The following DYNC2H1 variants were observed in gnomAD, a reference collection of about 807,000 sequenced individuals.
The protein encoded by DYNC2H1 is cytoplasmic dynein 2 heavy chain 1.
In DYNC2H1, 410 loss-of-function variants were observed where a neutral mutation model predicts 570.0. That is an observed-to-expected ratio of 0.72 (90% CI 0.66 to 0.78). DYNC2H1 has a LOEUF of 0.78. DYNC2H1 is among the 30% of genes least tolerant of loss of function. The pLI is 0.00. For synonymous variants in DYNC2H1, 1,688 were observed against 1,677.6 expected (o/e 1.01, Z -0.15); for missense variants, 4,865 against 5,046.4 (o/e 0.96, Z 1.09).
intron 63 of DYNC2H1, among the ~76,000 whole-genome samples, chr11:103,242,183 A>G (rs1423054954): frequency 6.6e-6 from 1 of 152,122 alleles, no homozygotes; most frequent in Non-Finnish European, 1.5e-5. Flanking sequence ...ATATACACAT[A>G]CATACTATGA....
intron 47 of DYNC2H1, 28 bp downstream of exon 47, chr11:103,192,292 A>G (rs538679836): frequency 2.8e-6 from 4 of 1,426,602 alleles, no homozygotes; most frequent in East Asian, 4.8e-5. Flanking sequence ...ATGCAAATAC[A>G]TAACTATTAC....
chr11:103,203,557 T>C lies in DYNC2H1; in HGVS notation c.8198-106T>C. The C allele has an allele frequency of 1.5e-6, 1 of 676,258 alleles. No homozygotes were observed. 41.9% of individuals were successfully genotyped at this position (676,258 alleles called of 1,614,324 possible). A position where few individuals can be genotyped will look rare whatever the true frequency, so the allele number is the denominator to read the frequency against. On this transcript the variant is annotated intron_variant, in intron 50 of 88. Coordinates refer to ENST00000375735, the MANE Select transcript of DYNC2H1 (RefSeq NM_001377.3). This position sits in a 1 kb window ranked among gnomAD's most constrained non-coding sequence, Gnocchi z 4.7. ...AGTCAAGTAGAGGTAATAAAGTTTGTATATTTTTGGAAATAAAGATTGAAT... is the reference window on the plus strand; with the variant it reads ...AGTCAAGTAGAGGTAATAAAGTTTGCATATTTTTGGAAATAAAGATTGAAT...
chr11:103,110,987 C>T (rs1858086437), intron 1 of DYNC2H1, among the ~76,000 whole-genome samples: 1 of 152,146 alleles, frequency 6.6e-6, no homozygotes, highest in African/African-American at 2.4e-5. Flanking sequence ...CCACCACACC[C>T]AGCTAATTTT....
chr11:103,135,770 A>G lies in DYNC2H1; in HGVS notation c.2396A>G (p.Tyr799Cys), dbSNP rs368233476. Residue 799 changes from tyrosine (Y) to cysteine (C), a missense_variant, in exon 17 of 89, where the codon TAT becomes TGT. Physicochemically the swap from Tyr to Cys is radical, Grantham distance 194. This residue lies in a region of DYNC2H1 where 1,936 missense variants were observed against 1,962.1 expected (regional missense o/e 0.99). Coordinates refer to ENST00000375735, the MANE Select transcript of DYNC2H1 (RefSeq NM_001377.3). ...CCTTTTGAAGAAATCCGGGCTAAAT[A>G]TTATAGAGAAATGAAGAGATTCATC... ...RPPFEEIRAK[Y>C]YREMKRFIGI... is the part of the protein sequence containing the mutation. 3 of 1,612,910 alleles carry G rather than the reference A, an allele frequency of 1.9e-6. No homozygotes were observed. In the Admixed American group the frequency reaches 5.0e-5, roughly 27 times the overall value.
At chr11:103,117,571 AT>A (rs1858476166) in intron 5 of DYNC2H1, 59 bp from the exon 6 acceptor site, 1 of 1,298,654 alleles carries the variant, frequency 7.7e-7, no homozygotes, top group African/African-American at 1.5e-5. Flanking sequence ...CATGTATTTT[AT>A]AATTTTTCTA....
Position 103,455,225 on chromosome 11 carries a change from G to C in DYNC2H1, c.12496G>C (p.Glu4166Gln). The change falls in exon 86 of 89, where the codon GAA becomes CAA. Residue 4166 changes from glutamate (E) to glutamine (Q), a missense_variant. Coordinates refer to ENST00000375735, the MANE Select transcript of DYNC2H1 (RefSeq NM_001377.3). ...AGCTGAAAAACAGGCTCTTCTCTCTGAAACACTTGACCTATCAGAACTTTT... is the reference window on the plus strand; with the variant it reads ...AGCTGAAAAACAGGCTCTTCTCTCTCAAACACTTGACCTATCAGAACTTTT... ...DKAEKQALLS[E>Q]TLDLSELFHP... 2 of 1,613,296 alleles carry C rather than the reference G, an allele frequency of 1.2e-6. No homozygotes were observed. The highest frequency in any genetic ancestry group is 1.7e-6 in the Non-Finnish European group (2 of 1,179,502).
chr11:103,253,755 T>G (rs1164288785), intron 66 of DYNC2H1, among the ~76,000 whole-genome samples: 1 of 152,128 alleles, frequency 6.6e-6, no homozygotes. Context: ...CTGCATTATA[T>G]TTTTGGTTTG....
At chr11:103,337,678 C>A (rs1014714536) in intron 82 of DYNC2H1, among the ~76,000 whole-genome samples, 3 of 152,102 alleles carry the variant, frequency 2.0e-5, no homozygotes, top group African/African-American at 7.2e-5. Flanking sequence ...ATTTGCATGT[C>A]TTCTTTTGAG....
rs551036687 is a variant in DYNC2H1 at position 103,250,596 on chromosome 11, A to T, written c.10043-2689A>T. Among the ~76,000 whole-genome samples the T allele has an allele frequency of 2.4e-4, 36 of 152,258 alleles. No individual in the cohort carries two copies. The East Asian group carries it at 6.5e-3, about 28-fold the overall frequency. ...ATGTTGATTTTCTGAACTGTATTTT[A>T]AAATTGATGTTGCTCTTTGTTATTT... On this transcript the variant is annotated intron_variant, in intron 65 of 88. Coordinates refer to ENST00000375735, the MANE Select transcript of DYNC2H1 (RefSeq NM_001377.3).
intron 83 of DYNC2H1, among the ~76,000 whole-genome samples, chr11:103,382,640 C>T (rs1215390623): frequency 1.3e-5 from 2 of 151,990 alleles, no homozygotes; most frequent in Non-Finnish European, 2.9e-5. Context: ...AAGCATTTCT[C>T]AGTTGTGCTT....
chr11:103,138,565 A>C (rs1859704598), intron 17 of DYNC2H1, among the ~76,000 whole-genome samples: 1 of 152,220 alleles, frequency 6.6e-6, no homozygotes, highest in African/African-American at 2.4e-5. Context: ...GATGAAGCCC[A>C]CTTGATCATG....
chr11:103,332,312 G>GAAAAAAAAAAA (rs71962098), intron 82 of DYNC2H1, among the ~76,000 whole-genome samples: 1 of 122,542 alleles, frequency 8.2e-6, no homozygotes. Flanking sequence ...AAAAAACTGG[G>GAAAAAAAAAAA]AAAAAAAAAA....
chr11:103,312,269 A>G (rs903821937), intron 79 of DYNC2H1, among the ~76,000 whole-genome samples: 4 of 151,438 alleles, frequency 2.6e-5, no homozygotes, highest in Admixed American at 6.6e-5. Context: ...AAGCCCAGCT[A>G]CTCTGGAGGC....
intron 82 of DYNC2H1, among the ~76,000 whole-genome samples, chr11:103,357,743 A>G (rs1373077287): frequency 2.0e-5 from 3 of 152,210 alleles, no homozygotes; most frequent in Non-Finnish European, 4.4e-5. Context: ...GCTTGAGCCC[A>G]GGAGTTCAAG....
At chr11:103,158,629 C>A in intron 26 of DYNC2H1, 48 bp from the exon 27 acceptor site, 3 of 1,457,212 alleles carry the variant, frequency 2.1e-6, no homozygotes, top group East Asian at 2.5e-5. Flanking sequence ...TTTCTTACCC[C>A]CCCAAATTGT....
At chr11:103,339,183 G>A (rs1446874003) in intron 82 of DYNC2H1, among the ~76,000 whole-genome samples, 1 of 152,144 alleles carries the variant, frequency 6.6e-6, no homozygotes, top group Non-Finnish European at 1.5e-5. Context: ...AGTGGAAGGG[G>A]TCTTTATGCT....
chr11:103,430,842 C>T (rs1240115873), intron 84 of DYNC2H1, among the ~76,000 whole-genome samples: 1 of 152,086 alleles, frequency 6.6e-6, no homozygotes, highest in African/African-American at 2.4e-5. Context: ...TGCCATTCTA[C>T]GCAGTTTGAA....
intron 78 of DYNC2H1, among the ~76,000 whole-genome samples, chr11:103,310,699 G>GTTTTTTT (rs1867545678): frequency 3.1e-5 from 1 of 32,096 alleles, no homozygotes; most frequent in African/African-American, 1.1e-4. Context: ...TTTTTTTTTT[G>GTTTTTTT]GGAGACTGAG....
rs376225319 is a variant in DYNC2H1, at chr11:103,369,991, G to T, written c.12156+11632G>T. On this transcript the variant is annotated intron_variant, in intron 83 of 88. Coordinates refer to ENST00000375735, the MANE Select transcript of DYNC2H1 (RefSeq NM_001377.3). The surrounding 1 kb of genome is among the most constrained non-coding windows in gnomAD (Gnocchi z 4.0). The stretch of plus-strand genomic sequence containing the variant: ...CACATTAGGTAGAAGCTTGGCTACA[G>T]AGATAGGACACCAAAGAGGCTCTTG... 3.9e-5 allele frequency among the ~76,000 whole-genome samples: 6 copies of T among 152,346 alleles called. No individual in the cohort carries two copies. In the South Asian group the frequency reaches 1.2e-3, roughly 32 times the overall value.
Sources: allele counts gnomAD v4.1 joint callset (sites outside exome capture counted in the v4.1 genomes callset), GRCh38; gene constraint gnomAD v4.1.1; regional missense constraint gnomAD v4.1.1; non-coding constraint Gnocchi (gnomAD v3.1); transcripts MANE v1.5; gene names NCBI Gene and HGNC (gene_info 2026-07-23, HGNC 2026-07-21).